ARHGAP6: variants seen among roughly 807,000 people sequenced by gnomAD.
The protein encoded by ARHGAP6 is rho GTPase-activating protein 6.
Under a neutral mutation model 55.7 loss-of-function variants are expected in ARHGAP6, and 16 were observed. The ratio of observed to expected loss-of-function variants is 0.29; its 90% CI spans 0.19 to 0.44. The LOEUF is 0.44. Ranked by LOEUF, ARHGAP6 falls within the 20% of genes least tolerant of loss-of-function variation. The pLI, the probability that ARHGAP6 is intolerant of heterozygous loss-of-function variation, is 1.00. For missense variants in ARHGAP6, 698 were observed against 808.9 expected (o/e 0.86, Z 1.66); for synonymous variants, 382 against 360.9 (o/e 1.06, Z -0.66).
At chrX:11,599,359 G>A (rs1351505070) in intron 1 of ARHGAP6, among the ~76,000 whole-genome samples, 2 of 111,344 alleles carry the variant, frequency 1.8e-5, no homozygotes, top group Non-Finnish European at 3.8e-5. Context: ...CATTTATGGG[G>A]CACAATGTGA....
chrX:11,540,845 C>T (rs753781349), intron 1 of ARHGAP6, among the ~76,000 whole-genome samples: 2 of 112,297 alleles, frequency 1.8e-5, no homozygotes, highest in East Asian at 2.8e-4. Flanking sequence ...AATTTAAGAA[C>T]GGCATGGAAG....
intron 8 of ARHGAP6, among the ~76,000 whole-genome samples, chrX:11,171,505 G>A (rs753119891): frequency 1.1e-4 from 12 of 111,776 alleles, no homozygotes; most frequent in African/African-American, 2.9e-4. Context: ...CATTGATGTC[G>A]TCTTGAATTT....
chrX:11,443,441 GA>G (rs1274869785), intron 1 of ARHGAP6, among the ~76,000 whole-genome samples: 1 of 111,951 alleles, frequency 8.9e-6, no homozygotes, highest in Admixed American at 9.4e-5. Flanking sequence ...CACAGAGGGG[GA>G]CATATGTTCT....
chrX:11,506,510 G>A (rs746025967), intron 1 of ARHGAP6, among the ~76,000 whole-genome samples: 1 of 110,566 alleles, frequency 9.0e-6, no homozygotes, highest in Non-Finnish European at 1.9e-5. Context: ...CTGTTCTTGC[G>A]ATAGTTTGCT....
chrX:11,503,572 A>G (rs779395628), intron 1 of ARHGAP6, among the ~76,000 whole-genome samples: 1 of 111,744 alleles, frequency 8.9e-6, no homozygotes, highest in Non-Finnish European at 1.9e-5. Context: ...GGAAAATGCT[A>G]CCATGAATTG....
At chrX:11,555,911 A>G (rs1229234052) in intron 1 of ARHGAP6, among the ~76,000 whole-genome samples, 4 of 111,186 alleles carry the variant, frequency 3.6e-5, no homozygotes, top group Admixed American at 9.5e-5. Context: ...CCAGAGTAAC[A>G]TCAGAGGAGA....
intron 1 of ARHGAP6, among the ~76,000 whole-genome samples, chrX:11,654,096 C>T (rs2052613883): frequency 2.7e-5 from 3 of 111,457 alleles, no homozygotes; most frequent in Non-Finnish European, 5.7e-5. Flanking sequence ...CCAGGATTTC[C>T]CTGGACAAAA....
At chrX:11,270,106 CAA>C (rs1304177483) in intron 1 of ARHGAP6, among the ~76,000 whole-genome samples, 1 of 112,013 alleles carries the variant, frequency 8.9e-6, no homozygotes, top group African/African-American at 3.2e-5. Context: ...AAAGTTGAAA[CAA>C]AGAGAGCGTA....
intron 12 of ARHGAP6, among the ~76,000 whole-genome samples, chrX:11,140,911 GAAC>G (rs1209574504): frequency 8.9e-6 from 1 of 111,885 alleles, no homozygotes; most frequent in Non-Finnish European, 1.9e-5. Context: ...AGCAGACAAG[GAAC>G]AAGAACAAGG....
chrX:11,656,765 C>T (rs918344743), intron 1 of ARHGAP6, among the ~76,000 whole-genome samples: 14 of 111,730 alleles, frequency 1.3e-4, no homozygotes, highest in Non-Finnish European at 2.6e-4. Context: ...CCAGACAATC[C>T]ACGATAATCT....
intron 1 of ARHGAP6, among the ~76,000 whole-genome samples, chrX:11,586,971 C>T (rs760179638): frequency 5.4e-5 from 6 of 111,631 alleles, no homozygotes; most frequent in Non-Finnish European, 7.5e-5. Context: ...TGGCTCTTGA[C>T]TTGACGGTTG....
chrX:11,178,298 T>C, intron 7 of ARHGAP6, 50 bp from the exon 8 acceptor site: 2 of 1,137,522 alleles, frequency 1.8e-6, no homozygotes, highest in Non-Finnish European at 2.3e-6. Context: ...CCCATACTAT[T>C]CAGGCACAGA....
chrX:11,604,013 C>T (rs192242710), intron 1 of ARHGAP6, among the ~76,000 whole-genome samples: 26 of 111,761 alleles, frequency 2.3e-4, no homozygotes, highest in South Asian at 3.8e-4. Context: ...TCATCTGTTT[C>T]GTGAAGCCCA....
chrX:11,217,813 C>T (rs2147406302), intron 2 of ARHGAP6, among the ~76,000 whole-genome samples: 1 of 111,765 alleles, frequency 8.9e-6, no homozygotes, highest in South Asian at 3.8e-4. Context: ...ATGGTATTGC[C>T]TAGGTTTTCT....
intron 1 of ARHGAP6, among the ~76,000 whole-genome samples, chrX:11,626,705 C>A (rs1433441363): frequency 9.0e-6 from 1 of 111,680 alleles, no homozygotes; most frequent in Non-Finnish European, 1.9e-5. Flanking sequence ...TTTAAAAACT[C>A]TTAACAAAAA....
In ARHGAP6 at chrX:11,567,566, A is replaced by AAAAAAAAAAAAAAATATATATAT. The variant is rs1440758737; in HGVS notation, c.588+96674_588+96675insATATATATATTTTTTTTTTTTTT. Among the ~76,000 whole-genome samples the AAAAAAAAAAAAAAATATATATAT allele has an allele frequency of 2.7e-3, 228 of 84,309 alleles. 18 individuals are homozygous for AAAAAAAAAAAAAAATATATATAT. The highest frequency in any genetic ancestry group is 3.6e-3 in the Non-Finnish European group (152 of 42,646). 73.2% of individuals were successfully genotyped at this position (84,309 alleles called of 115,157 possible). On this transcript the variant is annotated intron_variant, in intron 1 of 12. Coordinates refer to ENST00000337414, the MANE Select transcript of ARHGAP6 (RefSeq NM_013427.3). ...GAGACTCCATCTCAAAAAAAAAAAAAATATATATATATATTTGCCTCAGAG... is the reference window on the plus strand; with the variant it reads ...GAGACTCCATCTCAAAAAAAAAAAAAAAAAAAAAAAAAAATATATATATATATATATATATATTTGCCTCAGAG...
chrX:11,560,566 T>C (rs1601645452), intron 1 of ARHGAP6, among the ~76,000 whole-genome samples: 2 of 112,212 alleles, frequency 1.8e-5, no homozygotes, highest in South Asian at 7.6e-4. Context: ...CCATGAGCTA[T>C]GTTACCATAC....
chrX:11,496,377 C>G (rs1431377110), intron 1 of ARHGAP6, among the ~76,000 whole-genome samples: 2 of 111,750 alleles, frequency 1.8e-5, no homozygotes, highest in Admixed American at 9.5e-5. Flanking sequence ...ATTTTATTAG[C>G]ACAAGAATGA....
chrX:11,151,774 C>G lies in ARHGAP6; in HGVS notation c.1907+4755G>C, dbSNP rs969308324. 3.6e-5 allele frequency among the ~76,000 whole-genome samples: 4 copies of G among 111,927 alleles called. No individual in the cohort carries two copies. The Admixed American group carries it at 3.8e-4, about 11-fold the overall frequency. On this transcript the variant is annotated intron_variant, in intron 10 of 12. Transcript: ENST00000337414. ...TTTGAAACTTGTTTCTTTTCCCCTC[C>G]AAATAAAATCTTGTGCAGTTTCCAC...
Sources: gnomAD v4.1 joint callset for allele counts (sites outside exome capture counted in the v4.1 genomes callset) on GRCh38, gnomAD v4.1.1 for gene constraint, MANE v1.5 for transcripts, NCBI Gene and HGNC (gene_info 2026-07-23, HGNC 2026-07-21) for gene names.